Variants in KIF26B observed in about 807,000 individuals in gnomAD.
KIF26B encodes the protein kinesin family member 26B, also known as kinesin-like protein KIF26B.
A neutral mutation model predicts 151.2 loss-of-function variants in KIF26B; 63 were observed. That is an observed-to-expected ratio of 0.42 (90% confidence interval 0.34 to 0.51). The LOEUF is 0.51. Ranked by LOEUF, KIF26B falls within the 20% of genes least tolerant of loss-of-function variation. The probability of loss-of-function intolerance (pLI) is 0.07; values close to 1 mark genes in which losing one functional copy is unlikely to be tolerated. For missense variants in KIF26B, 2,813 were observed against 2,913.6 expected (o/e 0.97, Z 0.79); for synonymous variants, 1,357 against 1,262.1 (o/e 1.08, Z -1.59).
chr1:245,620,102 T>C (rs779985518), intron 9 of KIF26B, among the ~76,000 whole-genome samples: 1 of 151,956 alleles, frequency 6.6e-6, no homozygotes, highest in African/African-American at 2.4e-5. Flanking sequence ...GGGGGAATTA[T>C]AGAAAATGAT....
At chr1:245,592,702 T>C (rs1211958766) in intron 5 of KIF26B, among the ~76,000 whole-genome samples, 1 of 152,038 alleles carries the variant, frequency 6.6e-6, no homozygotes, top group Admixed American at 6.5e-5. Flanking sequence ...CTTTGGACTT[T>C]CTCCAGGTGG....
intron 2 of KIF26B, among the ~76,000 whole-genome samples, chr1:245,273,061 T>A (rs1347701955): frequency 6.6e-6 from 1 of 152,138 alleles, no homozygotes; most frequent in Non-Finnish European, 1.5e-5. Context: ...TCAAGTCCTC[T>A]GTTTTTTTTT....
Position 245,167,717 on chromosome 1 carries a change from A to C in KIF26B, c.465+11034A>C, listed in dbSNP as rs1427076367. Among the ~76,000 whole-genome samples the C allele has an allele frequency of 6.6e-6, 1 of 152,064 alleles. No homozygotes were observed. Among genetic ancestry groups the C allele is most frequent in the Non-Finnish European group, 1.5e-5 (1 of 68,028 alleles). On this transcript the variant is annotated intron_variant, in intron 2 of 14. Transcript: ENST00000407071. The surrounding 1 kb of genome is among the most constrained non-coding windows in gnomAD (Gnocchi z 4.2). ...AGTTGTGTAACTTTGCACAGCAGGG[A>C]GTCTCAGTCCTAAGCAGGTGGCAGA...
chr1:245,693,949 A>G (rs2044656728), intron 12 of KIF26B, among the ~76,000 whole-genome samples: 1 of 152,230 alleles, frequency 6.6e-6, no homozygotes, highest in Non-Finnish European at 1.5e-5. Flanking sequence ...TTTTGAATAC[A>G]CAGTTGGGGG....
rs1572216729 is a variant in KIF26B at position 245,702,807 on chromosome 1, G to C, written c.*201G>C. The C allele has an allele frequency of 1.9e-6, 1 of 538,154 alleles. No homozygotes were observed. The highest frequency in any genetic ancestry group is 3.4e-5 in the Admixed American group (1 of 29,416). 33.3% of individuals were successfully genotyped at this position (538,154 alleles called of 1,614,324 possible). Reference sequence around the variant, plus strand: ...GGTGCAAACGTCAAACACCGTGGAAGGAGAAAAGGATGGGAAGCCCGAGGG... The same window carrying C: ...GGTGCAAACGTCAAACACCGTGGAACGAGAAAAGGATGGGAAGCCCGAGGG... On this transcript the variant is annotated 3_prime_UTR_variant, in exon 15 of 15. Coordinates refer to ENST00000407071, the MANE Select transcript of KIF26B (RefSeq NM_018012.4). This position sits in a 1 kb window ranked among gnomAD's most constrained non-coding sequence, Gnocchi z 4.1.
At chr1:245,637,938 T>A (rs1053076541) in intron 9 of KIF26B, among the ~76,000 whole-genome samples, 2 of 152,016 alleles carry the variant, frequency 1.3e-5, no homozygotes, top group South Asian at 2.1e-4. Context: ...GATAGTATGA[T>A]GTTTCCAGCC....
At chr1:245,337,252 A>C (rs1558394014) in intron 2 of KIF26B, among the ~76,000 whole-genome samples, 1 of 147,640 alleles carries the variant, frequency 6.8e-6, no homozygotes, top group Admixed American at 6.7e-5. Context: ...GCTCACTGCA[A>C]CCTCTACCTC....
chr1:245,619,508 G>C (rs1398584914), intron 9 of KIF26B, among the ~76,000 whole-genome samples: 1 of 150,278 alleles, frequency 6.7e-6, no homozygotes, highest in Non-Finnish European at 1.5e-5. Context: ...TGAGGCAGGA[G>C]AATTGCTTGA....
intron 2 of KIF26B, among the ~76,000 whole-genome samples, chr1:245,309,995 A>G (rs186621664): frequency 1.1e-3 from 163 of 147,676 alleles, no homozygotes; most frequent in Non-Finnish European, 1.6e-3. Flanking sequence ...ACTCTGGCCA[A>G]TACAAACACT....
At chr1:245,450,044 C>A (rs1210907830) in intron 4 of KIF26B, among the ~76,000 whole-genome samples, 1 of 152,064 alleles carries the variant, frequency 6.6e-6, no homozygotes, top group African/African-American at 2.4e-5. Context: ...GCGTGCTTTG[C>A]CTTGGGAAGC....
chr1:245,205,720 T>C (rs1452251556), intron 2 of KIF26B, among the ~76,000 whole-genome samples: 1 of 151,168 alleles, frequency 6.6e-6, no homozygotes, highest in Non-Finnish European at 1.5e-5. Context: ...TTTTCTTTTT[T>C]TTTTTTTTTA....
intron 3 of KIF26B, among the ~76,000 whole-genome samples, chr1:245,374,116 T>A (rs1572030265): frequency 1.5e-5 from 1 of 66,078 alleles, no homozygotes; most frequent in Non-Finnish European, 2.6e-5. Flanking sequence ...TATATATATA[T>A]ATATATATAT....
chr1:245,507,192 T>A (rs1324190398), intron 4 of KIF26B, among the ~76,000 whole-genome samples: 1 of 152,092 alleles, frequency 6.6e-6, no homozygotes, highest in East Asian at 1.9e-4. Flanking sequence ...GAGGTCAGTG[T>A]ATGTGGAGAT....
intron 2 of KIF26B, among the ~76,000 whole-genome samples, chr1:245,185,221 C>T (rs1352612422): frequency 6.6e-6 from 1 of 152,038 alleles, no homozygotes; most frequent in African/African-American, 2.4e-5. Flanking sequence ...TCACTGCAGC[C>T]TCTGCCCCCC....
At position 245,687,326 on chromosome 1, in the gene KIF26B, T is replaced by C. The variant is rs750673663; in HGVS notation, c.4343T>C (p.Val1448Ala). 1.3e-6 allele frequency: 2 copies of C among 1,599,158 alleles called. No individual in the cohort carries two copies. Among genetic ancestry groups the C allele is most frequent in the South Asian group, 2.3e-5 (2 of 88,806 alleles). Residue 1448 changes from valine (V) to alanine (A), a missense_variant, in exon 12 of 15, where the codon GTG becomes GCG. This residue lies in a region of KIF26B where 2,060 missense variants were observed against 2,088.6 expected (regional missense o/e 0.99). Coordinates refer to ENST00000407071, the MANE Select transcript of KIF26B (RefSeq NM_018012.4). This position sits in a 1 kb window ranked among gnomAD's most constrained non-coding sequence, Gnocchi z 4.9. ...CCGTGGCTGAAACGAGAAGAGGAAGTGAAAAAAGAGACGGCTCATCCCAAT... is the reference window on the plus strand; with the variant it reads ...CCGTGGCTGAAACGAGAAGAGGAAGCGAAAAAAGAGACGGCTCATCCCAAT... The part of the protein sequence containing the change: ...EDPWLKREEE[V>A]KKETAHPNEE...
In KIF26B at chr1:245,580,782, T is replaced by C. The variant is rs113765464; in HGVS notation, c.1351-21795T>C. The stretch of plus-strand genomic sequence containing the variant: ...ACCCTTAGCTCCTGCCACCTCTCTT[T>C]GTCCTTGGATGGATACAGCGCATGC... On this transcript the variant is annotated intron_variant, in intron 5 of 14. Transcript: ENST00000407071. 7.5e-4 allele frequency among the ~76,000 whole-genome samples: 114 copies of C among 152,314 alleles called. 1 individual carries two copies. In the Middle Eastern group the frequency reaches 0.01, roughly 14 times the overall value.
chr1:245,373,325 G>A (rs982581328), intron 3 of KIF26B, among the ~76,000 whole-genome samples: 2 of 152,194 alleles, frequency 1.3e-5, no homozygotes, highest in Non-Finnish European at 2.9e-5. Context: ...AAACCACCAG[G>A]TATTTGATTC....
chr1:245,667,693 G>A lies in KIF26B; in HGVS notation c.2259-16540G>A, dbSNP rs974603516. 6.6e-6 allele frequency among the ~76,000 whole-genome samples: 1 copy of A among 152,174 alleles called. No homozygotes were observed. Among genetic ancestry groups the A allele is most frequent in the African/African-American group, 2.4e-5 (1 of 41,448 alleles). On this transcript the variant is annotated intron_variant, in intron 10 of 14. Coordinates refer to ENST00000407071, the MANE Select transcript of KIF26B (RefSeq NM_018012.4). This position sits in a 1 kb window ranked among gnomAD's most constrained non-coding sequence, Gnocchi z 4.3. ...GAGAAGTGGCATCTGCCCATCCTAC[G>A]CAGTTCTCCAGGAAGGAGGTGGCAG...
intron 2 of KIF26B, among the ~76,000 whole-genome samples, chr1:245,242,211 C>T (rs1386131816): frequency 3.9e-5 from 6 of 152,174 alleles, no homozygotes; most frequent in Non-Finnish European, 7.3e-5. Context: ...GGCTACACAG[C>T]GAGACCCTGT....
Sources: gnomAD v4.1 joint callset for allele counts (sites outside exome capture counted in the v4.1 genomes callset) on GRCh38, gnomAD v4.1.1 for gene constraint, gnomAD v4.1.1 regional missense constraint, Gnocchi (gnomAD v3.1) non-coding constraint, MANE v1.5 for transcripts, NCBI Gene and HGNC (gene_info 2026-07-23, HGNC 2026-07-21) for gene names.